Variants in VLDLR observed in about 807,000 individuals in gnomAD.
VLDLR encodes very low density lipoprotein receptor.
A neutral mutation model predicts 112.7 loss-of-function variants in VLDLR; 81 were observed. The ratio of observed to expected loss-of-function variants is 0.72; its 90% CI spans 0.60 to 0.86. The LOEUF (loss-of-function observed/expected upper bound fraction) is 0.86. Ranked by LOEUF, VLDLR falls within the 40% of genes least tolerant of loss-of-function variation. The pLI is 0.00. For missense variants in VLDLR, 1,237 were observed against 1,099.4 expected (o/e 1.13, Z -1.77); for synonymous variants, 436 against 384.8 (o/e 1.13, Z -1.56).
chr9:2,647,724 G>T, intron 12 of VLDLR, 132 bp downstream of exon 12: 1 of 821,948 alleles, frequency 1.2e-6, no homozygotes, highest in Admixed American at 1.8e-5. Context: ...ATTTTCAATG[G>T]GAGTAACTGA....
intron 12 of VLDLR, 136 bp downstream of exon 12, chr9:2,647,728 T>A: frequency 1.2e-6 from 1 of 804,356 alleles, no homozygotes; most frequent in Non-Finnish European, 2.2e-6. Flanking sequence ...TCAATGGGAG[T>A]AACTGAACAA....
rs748255076 is a variant in VLDLR at position 2,652,886 on chromosome 9, T to G, written c.2523T>G (p.Thr841=). ...NFDNPVYLKT[T]EEDLSIDIGR... ...ACAATCCTGTGTACTTGAAAACCACTGAAGAGGACCTCTCCATAGACATTG... is the reference window on the plus strand; with the variant it reads ...ACAATCCTGTGTACTTGAAAACCACGGAAGAGGACCTCTCCATAGACATTG... The change falls in exon 18 of 19, where the codon ACT becomes ACG. Residue 841 remains threonine, a synonymous_variant. Coordinates refer to ENST00000382100, the MANE Select transcript of VLDLR (RefSeq NM_003383.5). 8 of 1,614,006 alleles carry G rather than the reference T, an allele frequency of 5.0e-6. No homozygotes were observed. The highest frequency in any genetic ancestry group is 6.8e-6 in the Non-Finnish European group (8 of 1,180,010).
In VLDLR at chr9:2,643,927, G is replaced by A; in HGVS notation, c.1034G>A (p.Arg345Lys). The A allele has an allele frequency of 6.2e-7, 1 of 1,614,122 alleles. No individual in the cohort carries two copies. Among genetic ancestry groups the A allele is most frequent in the Non-Finnish European group, 8.5e-7 (1 of 1,180,018 alleles). ...SKVCNQEQDC[R>K]DWSDEPLKEC... ...GTATGTAACCAGGAGCAGGACTGCA[G>A]GGACTGGAGTGATGAGCCCCTGAAA... Residue 345 changes from arginine (R) to lysine (K), a missense_variant, in exon 7 of 19, where the codon AGG becomes AAG. Arg to Lys is a conservative substitution (Grantham distance 26). Transcript: ENST00000382100.
chr9:2,624,054 C>T (rs766443115), intron 1 of VLDLR, among the ~76,000 whole-genome samples: 1 of 152,154 alleles, frequency 6.6e-6, no homozygotes, highest in Admixed American at 6.5e-5. Context: ...CTGCATGTCC[C>T]TTCCACTAGA....
rs761184987 is a variant in VLDLR, at chr9:2,643,291, G to A, written c.580G>A (p.Gly194Ser). ...GCTGGACTGTGCCCCGCCAACCTGT[G>A]GCGCCCATGAGTTCCAGTGCAGCAC... ...DELDCAPPTC[G>S]AHEFQCSTSS... The change falls in exon 5 of 19, where the codon GGC (glycine) becomes AGC (serine). Residue 194 changes from glycine (G) to serine (S), a missense_variant. Physicochemically the swap from Gly to Ser is moderately conservative, Grantham distance 56. Transcript: ENST00000382100. The A allele has an allele frequency of 6.8e-6, 11 of 1,613,554 alleles. No individual in the cohort carries two copies. In the African/African-American group the frequency reaches 1.5e-4, roughly 22 times the overall value.
chr9:2,643,405 C>G lies in VLDLR; in HGVS notation c.694C>G (p.Gln232Glu), dbSNP rs750357709. The G allele has an allele frequency of 2.5e-5, 40 of 1,614,056 alleles. No homozygotes were observed. Among genetic ancestry groups the G allele is most frequent in the Non-Finnish European group, 3.4e-5 (40 of 1,180,040 alleles). Residue 232 changes from glutamine to glutamate, a missense_variant, in exon 5 of 19, where the codon CAG becomes GAG. Gln to Glu is a conservative substitution (Grantham distance 29, BLOSUM62 2). Coordinates refer to ENST00000382100, the MANE Select transcript of VLDLR (RefSeq NM_003383.5). ...SDESLEQCGR[Q>E]PVIHTKCPAS... ...TGAGTCCCTGGAGCAGTGTGGCCGT[C>G]AGCCAGTCATACACACCAAGTGTCC...
chr9:2,651,479 T>G lies in VLDLR; in HGVS notation c.2316T>G (p.Thr772=). The G allele has an allele frequency of 6.2e-7, 1 of 1,613,876 alleles. No individual in the cohort carries two copies. The highest frequency in any genetic ancestry group is 2.2e-5 in the East Asian group (1 of 44,864). The change falls in exon 16 of 19, where the codon ACT becomes ACG. Residue 772 remains threonine, a synonymous_variant. Transcript: ENST00000382100. ...KDTNTTEISA[T]SGLVPGGINV... is the part of the protein sequence containing the mutation. ...CGAACACAACAGAAATTTCAGCAAC[T>G]AGTGGACTAGTTCCTGGAGGTATTG...
In VLDLR at chr9:2,653,726, C is replaced by G. The variant is rs530131758; in HGVS notation, c.2587-107C>G. The G allele has an allele frequency of 1.9e-3, 2,159 of 1,159,256 alleles. 43 individuals carry two copies. The African/African-American group carries it at 0.029, about 16-fold the overall frequency. The allele number at this position is 1,159,256 out of a possible 1,614,324, so 71.8% of individuals were successfully genotyped here. A position where few individuals can be genotyped will look rare whatever the true frequency, so the allele number is the denominator to read the frequency against. ...ATCTGACTGACTTTTCTTCTAAGCA[C>G]TCTGAGTGTTTGAATGACCAACTCA... On this transcript the variant is annotated intron_variant, in intron 18 of 18. Coordinates refer to ENST00000382100, the MANE Select transcript of VLDLR (RefSeq NM_003383.5).
Position 2,659,047 on chromosome 9 carries a change from A to C in VLDLR, c.*5179A>C, listed in dbSNP as rs576722326. The stretch of plus-strand genomic sequence containing the variant: ...TGGAAACAAATATTTGGGAGCCTGC[A>C]TAGTCTTTAGATGGCTGCCAAAGCA... On this transcript the variant is annotated 3_prime_UTR_variant, in exon 19 of 19. Transcript: ENST00000382100. The C allele has an allele frequency of 6.6e-6, 1 of 152,330 alleles. No individual in the cohort carries two copies. Among genetic ancestry groups the C allele is most frequent in the Admixed American group, 6.5e-5 (1 of 15,298 alleles). 9.4% of individuals were successfully genotyped at this position (152,330 alleles called of 1,614,324 possible).
At chr9:2,644,500 A>G (rs193192417) in intron 7 of VLDLR, among the ~76,000 whole-genome samples, 21 of 152,036 alleles carry the variant, frequency 1.4e-4, no homozygotes, top group Middle Eastern at 3.4e-3. Context: ...CTCCTTAAAG[A>G]TAACTGATCA....
chr9:2,638,266 C>G (rs1817681320), intron 2 of VLDLR, among the ~76,000 whole-genome samples: 1 of 152,136 alleles, frequency 6.6e-6, no homozygotes, highest in Non-Finnish European at 1.5e-5. Flanking sequence ...CATAATTTGT[C>G]AACCCATCTT....
chr9:2,648,528 T>C (rs1351313501), intron 13 of VLDLR, 141 bp from the exon 14 acceptor site: 7 of 1,526,396 alleles, frequency 4.6e-6, no homozygotes, highest in East Asian at 4.5e-5. Context: ...TAAACTTGAT[T>C]CTTTTACAGT....
chr9:2,653,835 A>C lies in VLDLR; in HGVS notation c.2589A>C (p.Ile863=). 1 of 1,613,916 alleles carries C rather than the reference A, an allele frequency of 6.2e-7. No individual in the cohort carries two copies. ...TCTATACTTCTTCTTTTCCACAGAT[A>C]TCAGTTGTAAGCACAGATGATGATC... ...SASVGHTYPA[I]SVVSTDDDLA The change falls in exon 19 of 19, where the codon ATA becomes ATC. Residue 863 remains isoleucine (I), a splice_region_variant and synonymous_variant. Transcript: ENST00000382100.
In VLDLR at chr9:2,643,350, C is replaced by T. The variant is rs779155452; in HGVS notation, c.639C>T (p.Asp213=). Residue 213 remains aspartate, a synonymous_variant, in exon 5 of 19, where the codon GAC becomes GAT. Transcript: ENST00000382100. The part of the protein sequence containing the change: ...SSCIPISWVC[D]DDADCSDQSD... ...GCATCCCCATCAGCTGGGTATGCGACGATGATGCAGACTGCTCCGACCAAT... is the reference window on the plus strand; with the variant it reads ...GCATCCCCATCAGCTGGGTATGCGATGATGATGCAGACTGCTCCGACCAAT... 125 of 1,613,988 alleles carry T rather than the reference C, an allele frequency of 7.7e-5. 1 individual carries two copies. The highest frequency in any genetic ancestry group is 2.1e-4 in the South Asian group (19 of 91,086).
Position 2,635,552 on chromosome 9 carries a change from G to A in VLDLR, c.182G>A (p.Gly61Asp). 1 of 1,614,118 alleles carries A rather than the reference G, an allele frequency of 6.2e-7. No homozygotes were observed. The highest frequency in any genetic ancestry group is 8.5e-7 in the Non-Finnish European group (1 of 1,179,980). ...GATGGGGATGAAGACTGTGTTGACGGCAGTGATGAAAAGAACTGTGGTAAG... is the reference window on the plus strand; with the variant it reads ...GATGGGGATGAAGACTGTGTTGACGACAGTGATGAAAAGAACTGTGGTAAG... ...KCDGDEDCVD[G>D]SDEKNCVKKT... The change falls in exon 2 of 19, where the codon GGC becomes GAC. Residue 61 changes from glycine (G) to aspartate (D), a missense_variant. Physicochemically the swap from Gly to Asp is moderately conservative, Grantham distance 94. Transcript: ENST00000382100.
rs773053452 is a variant in VLDLR at position 2,651,970 on chromosome 9, A to G, written c.2416+16A>G. On this transcript the variant is annotated intron_variant, in intron 17 of 18. Coordinates refer to ENST00000382100, the MANE Select transcript of VLDLR (RefSeq NM_003383.5). ...CTTCCTCTCTGTAAGTAGATTTCCT[A>G]CAAGTCTGGGTTCAAGAACTTCTTA... The G allele has an allele frequency of 2.2e-5, 36 of 1,613,538 alleles. No homozygotes were observed. Among genetic ancestry groups the G allele is most frequent in the Admixed American group, 1.0e-4 (6 of 59,962 alleles).
intron 18 of VLDLR, 129 bp downstream of exon 18, chr9:2,653,078 TAGAC>T (rs1429531802): frequency 2.5e-6 from 3 of 1,205,166 alleles, no homozygotes; most frequent in Non-Finnish European, 3.6e-6. Flanking sequence ...ACCTGGCTAT[TAGAC>T]AGACAGTATA....
At position 2,646,314 on chromosome 9, in the gene VLDLR, T is replaced by G. The variant is rs1443798985; in HGVS notation, c.1485-20T>G. On this transcript the variant is annotated intron_variant, in intron 10 of 18. Coordinates refer to ENST00000382100, the MANE Select transcript of VLDLR (RefSeq NM_003383.5). Reference sequence around the variant, plus strand: ...AATTGTGTCAAACTCTTAAATTTCTTGTGACCTATTCTGTTTCAGTGCCTC... The same window carrying G: ...AATTGTGTCAAACTCTTAAATTTCTGGTGACCTATTCTGTTTCAGTGCCTC... 1.9e-6 allele frequency: 3 copies of G among 1,612,558 alleles called. No individual in the cohort carries two copies. Among genetic ancestry groups the G allele is most frequent in the Non-Finnish European group, 2.5e-6 (3 of 1,178,682 alleles).
In VLDLR at chr9:2,659,346, G is replaced by GT. The variant is rs1416336953; in HGVS notation, c.*5481dup. ...TTGCTGATGTTAGGATCCTTCAACA[G>GT]TTTCTCAGATGCCAGCTATGGCTGG... On this transcript the variant is annotated 3_prime_UTR_variant, in exon 19 of 19. Coordinates refer to ENST00000382100, the MANE Select transcript of VLDLR (RefSeq NM_003383.5). 1 of 152,268 alleles carries GT rather than the reference G, an allele frequency of 6.6e-6. No individual in the cohort carries two copies. The highest frequency in any genetic ancestry group is 1.5e-5 in the Non-Finnish European group (1 of 68,078). The allele number at this position is 152,268 out of a possible 1,614,324, so 9.4% of individuals were successfully genotyped here. A position where few individuals can be genotyped will look rare whatever the true frequency, so the allele number is the denominator to read the frequency against.
Sources: gnomAD v4.1 joint callset for allele counts (sites outside exome capture counted in the v4.1 genomes callset) on GRCh38, gnomAD v4.1.1 for gene constraint, MANE v1.5 for transcripts, NCBI Gene and HGNC (gene_info 2026-07-23, HGNC 2026-07-21) for gene names.